Variants in SLC24A2 observed in about 807,000 individuals in gnomAD.
The protein encoded by SLC24A2 is sodium/potassium/calcium exchanger 2.
A neutral mutation model predicts 62.0 loss-of-function variants in SLC24A2; 36 were observed. That is an observed-to-expected ratio of 0.58 (90% confidence interval 0.44 to 0.77). SLC24A2 has a LOEUF of 0.77. SLC24A2 is among the 30% of genes least tolerant of loss of function. SLC24A2 has a pLI of 0.00. For missense variants in SLC24A2, 846 were observed against 817.9 expected (o/e 1.03, Z -0.42); for synonymous variants, 358 against 294.0 (o/e 1.22, Z -2.23).
At chr9:19,761,949 C>A (rs1822347110) in intron 2 of SLC24A2, among the ~76,000 whole-genome samples, 1 of 152,102 alleles carries the variant, frequency 6.6e-6, no homozygotes, top group Non-Finnish European at 1.5e-5. Context: ...CATACGTGTG[C>A]ATGTGTCCTT....
the SLC24A2 span, among the ~76,000 whole-genome samples, chr9:19,930,209 G>C: frequency 3.7e-3 from 563 of 152,222 alleles, 1 homozygote; most frequent in African/African-American, 0.013. Context: ...AACTCACCCA[G>C]AGCAACTTCC....
chr9:20,079,998 C>T, the SLC24A2 span, among the ~76,000 whole-genome samples: 18 of 152,248 alleles, frequency 1.2e-4, no homozygotes, highest in East Asian at 1.2e-3. Flanking sequence ...AATGGAAAAA[C>T]GTTCCATGCT....
chr9:20,031,320 G>A, the SLC24A2 span, among the ~76,000 whole-genome samples: 5 of 143,402 alleles, frequency 3.5e-5, no homozygotes, highest in African/African-American at 1.3e-4. Flanking sequence ...CTTTTAAAGT[G>A]TGTGTGTGCC....
chr9:20,251,196 C>G, the SLC24A2 span, among the ~76,000 whole-genome samples: 1 of 152,208 alleles, frequency 6.6e-6, no homozygotes, highest in Non-Finnish European at 1.5e-5. Flanking sequence ...AGAATTTTCT[C>G]TCTACTTCTC....
At position 19,723,391 on chromosome 9, in the gene SLC24A2, G is replaced by T. The variant is rs886891294; in HGVS notation, c.930+62546C>A. Among the ~76,000 whole-genome samples, 9 of 152,060 alleles carry T rather than the reference G, an allele frequency of 5.9e-5. No homozygotes were observed. In the South Asian group the frequency reaches 1.9e-3, roughly 32 times the overall value. On this transcript the variant is annotated intron_variant, in intron 2 of 10. Coordinates refer to ENST00000341998, the MANE Select transcript of SLC24A2 (RefSeq NM_020344.4). ...AAAAGAATGAGCCCACAGGACATCTGGTACTCTCACCTCATTTAAAAAAAA... is the reference window on the plus strand; with the variant it reads ...AAAAGAATGAGCCCACAGGACATCTTGTACTCTCACCTCATTTAAAAAAAA...
chr9:20,019,265 A>G, the SLC24A2 span, among the ~76,000 whole-genome samples: 251 of 114,670 alleles, frequency 2.2e-3, no homozygotes, highest in African/African-American at 3.9e-3. Context: ...GAAAGAAAGA[A>G]AGAAAGAAAG....
the SLC24A2 span, among the ~76,000 whole-genome samples, chr9:19,875,873 A>T: frequency 6.6e-6 from 1 of 152,234 alleles, no homozygotes; most frequent in Admixed American, 6.5e-5. Flanking sequence ...TCATACATTC[A>T]CTCAATCATT....
chr9:20,168,114 T>C, the SLC24A2 span, among the ~76,000 whole-genome samples: 1 of 152,006 alleles, frequency 6.6e-6, no homozygotes, highest in Admixed American at 6.6e-5. Flanking sequence ...GATGTGTGCA[T>C]ATATCAATCT....
the SLC24A2 span, among the ~76,000 whole-genome samples, chr9:20,014,556 G>C: frequency 4.6e-3 from 697 of 150,998 alleles, 6 homozygotes; most frequent in Non-Finnish European, 7.2e-3. Flanking sequence ...GCCTTAAAAA[G>C]AGGAAAAACT....
At chr9:19,832,312 G>C in the SLC24A2 span, among the ~76,000 whole-genome samples, 1 of 152,222 alleles carries the variant, frequency 6.6e-6, no homozygotes, top group Non-Finnish European at 1.5e-5. Flanking sequence ...ACTTCAAGTT[G>C]TATCAGTGAA....
At chr9:20,211,370 G>A in the SLC24A2 span, among the ~76,000 whole-genome samples, 1,341 of 152,158 alleles carry the variant, frequency 8.8e-3, 20 homozygotes, top group African/African-American at 0.03. Context: ...AAATTAGCTG[G>A]GTATGGTGGC....
chr9:20,069,091 T>G, the SLC24A2 span, among the ~76,000 whole-genome samples: 1 of 152,316 alleles, frequency 6.6e-6, no homozygotes, highest in Admixed American at 6.5e-5. Flanking sequence ...CAACATACGT[T>G]TACTTTGATA....
chr9:19,862,539 A>G, the SLC24A2 span, among the ~76,000 whole-genome samples: 6 of 152,144 alleles, frequency 3.9e-5, no homozygotes, highest in Non-Finnish European at 8.8e-5. Flanking sequence ...ACAGAAAAAC[A>G]CAGAGTGTTA....
At chr9:20,055,480 C>T in the SLC24A2 span, among the ~76,000 whole-genome samples, 1 of 152,092 alleles carries the variant, frequency 6.6e-6, no homozygotes, top group South Asian at 2.1e-4. Flanking sequence ...AATTTCATAA[C>T]AACTCTTCAG....
chr9:20,110,905 T>C, the SLC24A2 span, among the ~76,000 whole-genome samples: 1 of 152,212 alleles, frequency 6.6e-6, no homozygotes, highest in African/African-American at 2.4e-5. Context: ...TGAGGATCCA[T>C]TTTACAATCA....
At chr9:19,856,298 TTAACCTCAGCCCAG>T in the SLC24A2 span, among the ~76,000 whole-genome samples, 3 of 152,228 alleles carry the variant, frequency 2.0e-5, no homozygotes, top group Admixed American at 2.0e-4. Context: ...TTCATGCATC[TTAACCTCAGCCCAG>T]TTCTGTGCCT....
At chr9:19,852,759 C>T in the SLC24A2 span, among the ~76,000 whole-genome samples, 10 of 152,134 alleles carry the variant, frequency 6.6e-5, no homozygotes, top group African/African-American at 2.2e-4. Context: ...AATGATGTCT[C>T]CAGCTTTGTT....
At chr9:19,628,942 A>T (rs1294909485) in intron 2 of SLC24A2, among the ~76,000 whole-genome samples, 3 of 152,138 alleles carry the variant, frequency 2.0e-5, no homozygotes, top group Non-Finnish European at 2.9e-5. Flanking sequence ...AGCTTGGAGG[A>T]TGTGATTTTT....
chr9:19,543,601 A>C (rs1320399845), intron 8 of SLC24A2, among the ~76,000 whole-genome samples: 1 of 152,128 alleles, frequency 6.6e-6, no homozygotes, highest in Non-Finnish European at 1.5e-5. Flanking sequence ...ACAGTGCTTT[A>C]AATGTGTCCC....
Sources: allele counts gnomAD v4.1 joint callset (sites outside exome capture counted in the v4.1 genomes callset), GRCh38; gene constraint gnomAD v4.1.1; transcripts MANE v1.5; gene names NCBI Gene and HGNC (gene_info 2026-07-23, HGNC 2026-07-21).